The following ACTN1 variants were observed in gnomAD, a reference collection of about 807,000 sequenced individuals.
ACTN1 encodes actinin alpha 1.
ACTN1 carries 30 observed loss-of-function variants against 119.6 expected under a neutral mutation model. The ratio of observed to expected loss-of-function variants is 0.25; its 90% CI spans 0.19 to 0.34. The LOEUF (loss-of-function observed/expected upper bound fraction) is 0.34. ACTN1 is among the 10% of genes least tolerant of loss of function. The pLI is 1.00. For synonymous variants in ACTN1, 429 were observed against 472.6 expected (o/e 0.91, Z 1.20); for missense variants, 764 against 1,223.4 (o/e 0.62, Z 5.60).
At chr14:68,952,718 A>C (rs560800418) in intron 1 of ACTN1, among the ~76,000 whole-genome samples, 1 of 152,148 alleles carries the variant, frequency 6.6e-6, no homozygotes, top group Non-Finnish European at 1.5e-5. Context: ...CCTAAAATTA[A>C]ACGTTCAGTA....
chr14:68,893,005 C>T lies in ACTN1; in HGVS notation c.855+650G>A, dbSNP rs193241916. On this transcript the variant is annotated intron_variant, in intron 9 of 21. Transcript: ENST00000394419. Reference sequence around the variant, plus strand: ...AGGCCCTACCAGGTCCTGTAACTTGCCAAGGTGACCTGGCTGGAATGGCAG... The same window carrying T: ...AGGCCCTACCAGGTCCTGTAACTTGTCAAGGTGACCTGGCTGGAATGGCAG... Among the ~76,000 whole-genome samples, 135 of 152,252 alleles carry T rather than the reference C, an allele frequency of 8.9e-4. 1 individual carries two copies. Among genetic ancestry groups the T allele is most frequent in the Middle Eastern group, 3.4e-3 (1 of 294 alleles).
chr14:68,959,981 C>T (rs549771934), intron 1 of ACTN1, among the ~76,000 whole-genome samples: 1 of 152,186 alleles, frequency 6.6e-6, no homozygotes, highest in African/African-American at 2.4e-5. Flanking sequence ...TTACATACTG[C>T]ATTCTTAAAA....
chr14:68,883,223 A>G, intron 14 of ACTN1, 168 bp from the exon 15 acceptor site: 1 of 690,586 alleles, frequency 1.4e-6, no homozygotes, highest in Non-Finnish European at 2.4e-6. Context: ...AGGAAGGTGA[A>G]GCCACAGTCA....
intron 14 of ACTN1, chr14:68,883,313 G>A (rs1328688224): frequency 4.5e-6 from 2 of 441,680 alleles, no homozygotes; most frequent in East Asian, 6.8e-5. Context: ...CACAGGTCAG[G>A]GAGAAGGGCT....
intron 10 of ACTN1, 142 bp downstream of exon 10, chr14:68,891,911 A>G: frequency 9.0e-7 from 1 of 1,110,140 alleles, no homozygotes; most frequent in South Asian, 1.6e-5. Flanking sequence ...GGAAGGGGGA[A>G]GTGACTTCTG....
intron 8 of ACTN1, among the ~76,000 whole-genome samples, chr14:68,901,843 G>A (rs544761161): frequency 5.4e-4 from 82 of 152,260 alleles, no homozygotes; most frequent in Non-Finnish European, 1.1e-3. Flanking sequence ...GACACTTGAC[G>A]GGGCTCACAG....
In ACTN1 at chr14:68,921,119, C is replaced by T. The variant is rs770910449; in HGVS notation, c.227G>A (p.Arg76His). ...MLLLEVISGE[R>H]LAKPERGKMR... ...CTTGCCTCGCTCTGGCTTGGCCAAG[C>T]GTTCACCTGTTTGGATCAAGAGGGA... Residue 76 changes from arginine to histidine, a missense_variant, in exon 3 of 22, where the codon CGC becomes CAC. Arg to His is a conservative substitution (Grantham distance 29). This residue lies in a region of ACTN1 where 54 missense variants were observed against 153.2 expected (regional missense o/e 0.35). Transcript: ENST00000394419. The T allele has an allele frequency of 8.4e-5, 135 of 1,613,946 alleles. 1 individual carries two copies. The highest frequency in any genetic ancestry group is 1.7e-5 in the Admixed American group (1 of 59,978).
At chr14:68,914,883 T>C (rs2034201619) in intron 3 of ACTN1, among the ~76,000 whole-genome samples, 1 of 152,224 alleles carries the variant, frequency 6.6e-6, no homozygotes, top group African/African-American at 2.4e-5. Context: ...AAAACAATAA[T>C]AATAATTTCT....
intron 1 of ACTN1, among the ~76,000 whole-genome samples, chr14:68,941,910 C>T (rs562842231): frequency 6.6e-6 from 1 of 152,272 alleles, no homozygotes; most frequent in South Asian, 2.1e-4. Flanking sequence ...AGGACCTCAG[C>T]ACTGATCCAG....
chr14:68,943,765 C>G (rs945012147), intron 1 of ACTN1, among the ~76,000 whole-genome samples: 3 of 152,210 alleles, frequency 2.0e-5, no homozygotes, highest in African/African-American at 7.2e-5. Flanking sequence ...CTCAACAATT[C>G]TAGGTTAAAG....
rs1168567226 is a variant in ACTN1, at chr14:68,879,952, G to A, written c.2280+10C>T. On this transcript the variant is annotated intron_variant, in intron 18 of 21. Coordinates refer to ENST00000394419, the MANE Select transcript of ACTN1 (RefSeq NM_001130004.2). This position sits in a 1 kb window ranked among gnomAD's most constrained non-coding sequence, Gnocchi z 4.9. ...GGCTGCACTAAGAAAGCACAGGATGGGGCTCTCACCCGGTCAAAGTGGTTG... is the reference window on the plus strand; with the variant it reads ...GGCTGCACTAAGAAAGCACAGGATGAGGCTCTCACCCGGTCAAAGTGGTTG... 3.7e-6 allele frequency: 6 copies of A among 1,613,640 alleles called. No individual in the cohort carries two copies. The highest frequency in any genetic ancestry group is 5.1e-6 in the Non-Finnish European group (6 of 1,179,718).
At position 68,904,652 on chromosome 14, in the gene ACTN1, C is replaced by T; in HGVS notation, c.676+3G>A. On this transcript the variant is annotated splice_donor_region_variant and intron_variant, in intron 7 of 21. Coordinates refer to ENST00000394419, the MANE Select transcript of ACTN1 (RefSeq NM_001130004.2). ...AGAGACACAGAAGGAAAGCGCCTTTCACCTTCGGCATCCAGCATCTTGGGG... is the reference window on the plus strand; with the variant it reads ...AGAGACACAGAAGGAAAGCGCCTTTTACCTTCGGCATCCAGCATCTTGGGG... 4 of 1,613,908 alleles carry T rather than the reference C, an allele frequency of 2.5e-6. No individual in the cohort carries two copies. In the South Asian group the frequency reaches 3.3e-5, roughly 13 times the overall value.
At chr14:68,939,159 G>A (rs1412177194) in intron 1 of ACTN1, among the ~76,000 whole-genome samples, 1 of 152,190 alleles carries the variant, frequency 6.6e-6, no homozygotes, top group Non-Finnish European at 1.5e-5. Context: ...TGGTACAGGT[G>A]GAACCTATGG....
At chr14:68,976,107 G>A (rs1236564392) in intron 1 of ACTN1, among the ~76,000 whole-genome samples, 1 of 152,202 alleles carries the variant, frequency 6.6e-6, no homozygotes, top group Non-Finnish European at 1.5e-5. Flanking sequence ...CAGAATGAGT[G>A]CTCACAAAGT....
intron 8 of ACTN1, among the ~76,000 whole-genome samples, chr14:68,899,670 C>T (rs1399815736): frequency 6.6e-6 from 1 of 152,186 alleles, no homozygotes; most frequent in Non-Finnish European, 1.5e-5. Flanking sequence ...ATCTCACATT[C>T]CCTTCCAAGC....
At chr14:68,935,696 A>G (rs576079582) in intron 1 of ACTN1, among the ~76,000 whole-genome samples, 43 of 152,244 alleles carry the variant, frequency 2.8e-4, no homozygotes, top group African/African-American at 9.9e-4. Context: ...AGAGCGCTCT[A>G]TTCTGATGTT....
At chr14:68,970,371 C>T (rs149826875) in intron 1 of ACTN1, among the ~76,000 whole-genome samples, 82 of 152,352 alleles carry the variant, frequency 5.4e-4, no homozygotes, top group African/African-American at 1.7e-3. Context: ...CCCCCACTCC[C>T]TCATCAACTT....
chr14:68,978,546 G>A (rs1365614427), intron 1 of ACTN1: 2 of 285,882 alleles, frequency 7.0e-6, no homozygotes, highest in Non-Finnish European at 1.4e-5. Flanking sequence ...ATGGAGAGGT[G>A]GCCAGGGGCG....
rs1347874811 is a variant in ACTN1 at position 68,925,866 on chromosome 14, C to A, written c.106-194G>T. 2.0e-5 allele frequency among the ~76,000 whole-genome samples: 3 copies of A among 152,168 alleles called. No individual in the cohort carries two copies. The highest frequency in any genetic ancestry group is 4.4e-5 in the Non-Finnish European group (3 of 68,026). On this transcript the variant is annotated intron_variant, in intron 1 of 21. Coordinates refer to ENST00000394419, the MANE Select transcript of ACTN1 (RefSeq NM_001130004.2). This position sits in a 1 kb window ranked among gnomAD's most constrained non-coding sequence, Gnocchi z 4.3. ...TACCCACAGGGCAGCAGCTGAGGGA[C>A]CCTACACAGAGCCTGCTACATGGGT...
Sources: gnomAD v4.1 joint callset for allele counts (sites outside exome capture counted in the v4.1 genomes callset) on GRCh38, gnomAD v4.1.1 for gene constraint, gnomAD v4.1.1 regional missense constraint, Gnocchi (gnomAD v3.1) non-coding constraint, MANE v1.5 for transcripts, NCBI Gene and HGNC (gene_info 2026-07-23, HGNC 2026-07-21) for gene names.